Variants in BCAS3 observed in about 807,000 individuals in gnomAD.
BCAS3 encodes the protein BCAS3 microtubule associated cell migration factor, also known as BCAS4/BCAS3 fusion.
A neutral mutation model predicts 116.1 loss-of-function variants in BCAS3; 53 were observed. The ratio of observed to expected loss-of-function variants is 0.46; its 90% CI spans 0.37 to 0.57. BCAS3 has a LOEUF of 0.57. Among genes scored for constraint, BCAS3 ranks in the 20% least tolerant of loss-of-function variants. The probability of loss-of-function intolerance (pLI) is 0.00; values close to 1 mark genes in which losing one functional copy is unlikely to be tolerated. For synonymous variants in BCAS3, 391 were observed against 408.2 expected, an observed-to-expected ratio of 0.96 and a Z score of 0.51; for missense variants, 917 against 1,165.4, an observed-to-expected ratio of 0.79 and a Z score of 3.10.
At chr17:60,723,833 C>T (rs554917934) in intron 5 of BCAS3, among the ~76,000 whole-genome samples, 31 of 150,204 alleles carry the variant, frequency 2.1e-4, no homozygotes, top group African/African-American at 7.3e-4. Flanking sequence ...ATTCTCCTGC[C>T]TCAGCCTTCT....
At chr17:61,002,373 T>G (rs2064303359) in intron 15 of BCAS3, among the ~76,000 whole-genome samples, 1 of 152,116 alleles carries the variant, frequency 6.6e-6, no homozygotes, top group Non-Finnish European at 1.5e-5. Flanking sequence ...ATTTTTTCTT[T>G]TCTATGTATT....
chr17:60,893,208 C>T (rs570474648), intron 10 of BCAS3, among the ~76,000 whole-genome samples: 12 of 152,062 alleles, frequency 7.9e-5, no homozygotes, highest in African/African-American at 9.6e-5. Context: ...TTTACTCTAT[C>T]GATTATTTCT....
At chr17:60,879,978 C>A (rs1162126411) in intron 9 of BCAS3, among the ~76,000 whole-genome samples, 1 of 152,062 alleles carries the variant, frequency 6.6e-6, no homozygotes, top group Non-Finnish European at 1.5e-5. Context: ...CTGAGTTCTC[C>A]ATAAGATGGA....
At chr17:60,826,584 C>T (rs1482114368) in intron 7 of BCAS3, among the ~76,000 whole-genome samples, 1 of 152,180 alleles carries the variant, frequency 6.6e-6, no homozygotes, top group Non-Finnish European at 1.5e-5. Flanking sequence ...TCTATACTGT[C>T]TGATTCTAAA....
rs1189824949 is a variant in BCAS3 at position 61,151,530 on chromosome 17, A to C, written c.2425+66966A>C. 6.6e-6 allele frequency among the ~76,000 whole-genome samples: 1 copy of C among 151,996 alleles called. No homozygotes were observed. Among genetic ancestry groups the C allele is most frequent in the Non-Finnish European group, 1.5e-5 (1 of 67,998 alleles). On this transcript the variant is annotated intron_variant, in intron 22 of 23. Transcript: ENST00000407086. The surrounding 1 kb of genome is among the most constrained non-coding windows in gnomAD (Gnocchi z 4.8). ...TCACCCAGACTGGGGTACGTGGCAC[A>C]ATCATGACTCACTGCAGCCTCAACC...
chr17:60,841,282 A>G (rs2051876489), intron 7 of BCAS3, among the ~76,000 whole-genome samples: 1 of 152,076 alleles, frequency 6.6e-6, no homozygotes, highest in Non-Finnish European at 1.5e-5. Context: ...AAATCTAAAG[A>G]TCATTTTGTT....
chr17:60,715,132 C>CTTTTTTT (rs200488032), intron 5 of BCAS3, among the ~76,000 whole-genome samples: 9 of 125,380 alleles, frequency 7.2e-5, no homozygotes, highest in East Asian at 2.1e-4. Flanking sequence ...CTTTCTCTTT[C>CTTTTTTT]TTTTTTTTTT....
chr17:60,879,602 G>T (rs1394669137), intron 9 of BCAS3, among the ~76,000 whole-genome samples: 13 of 152,200 alleles, frequency 8.5e-5, no homozygotes, highest in Non-Finnish European at 1.9e-4. Flanking sequence ...GTCATTAGCA[G>T]TCATTTTCAG....
At chr17:60,891,774 A>G (rs2057169377) in intron 10 of BCAS3, 3 of 455,244 alleles carry the variant, frequency 6.6e-6, no homozygotes, top group South Asian at 4.7e-5. Flanking sequence ...ATTGTACCCC[A>G]TAAGTGATTT....
intron 22 of BCAS3, among the ~76,000 whole-genome samples, chr17:61,120,594 A>T (rs1032981171): frequency 6.6e-6 from 1 of 152,248 alleles, no homozygotes; most frequent in East Asian, 1.9e-4. Flanking sequence ...GACACTTAGC[A>T]ACCCATCACC....
chr17:61,271,424 A>AATTTTTTTTTTTTTTT, intron 22 of BCAS3, among the ~76,000 whole-genome samples: 1 of 70,226 alleles, frequency 1.4e-5, no homozygotes, highest in Non-Finnish European at 2.4e-5. Flanking sequence ...CCATGCCCGG[A>AATTTTTTTTTTTTTTT]TTTTTTTTTT....
chr17:60,678,243 G>C (rs1424499249), intron 1 of BCAS3, among the ~76,000 whole-genome samples: 1 of 152,164 alleles, frequency 6.6e-6, no homozygotes, highest in Non-Finnish European at 1.5e-5. Flanking sequence ...GAGAATGAGA[G>C]GGCTGAGGGG....
intron 22 of BCAS3, among the ~76,000 whole-genome samples, chr17:61,135,376 T>G (rs762698285): frequency 9.2e-5 from 14 of 152,246 alleles, no homozygotes; most frequent in Non-Finnish European, 1.6e-4. Context: ...TTCACCACAG[T>G]GGCCTGAAAT....
At chr17:61,317,003 T>A (rs2054802686) in intron 22 of BCAS3, among the ~76,000 whole-genome samples, 1 of 152,136 alleles carries the variant, frequency 6.6e-6, no homozygotes, top group South Asian at 2.1e-4. Flanking sequence ...ACTATTAGAG[T>A]TCGGGAGGCT....
At chr17:60,915,347 G>A (rs1295209374) in intron 12 of BCAS3, among the ~76,000 whole-genome samples, 4 of 152,076 alleles carry the variant, frequency 2.6e-5, no homozygotes, top group Non-Finnish European at 5.9e-5. Flanking sequence ...TGTTTAACCT[G>A]CATTCATTGG....
intron 6 of BCAS3, among the ~76,000 whole-genome samples, chr17:60,802,298 AT>A (rs1378574118): frequency 4.8e-4 from 56 of 116,508 alleles, no homozygotes; most frequent in African/African-American, 8.4e-4. Flanking sequence ...AAAAAAAAAT[AT>A]ATATATATAT....
rs868161223 is a variant in BCAS3 at position 61,339,052 on chromosome 17, G to C, written c.2426-29275G>C. Among the ~76,000 whole-genome samples the C allele has an allele frequency of 2.1e-4, 32 of 151,736 alleles. No homozygotes were observed. Among genetic ancestry groups the C allele is most frequent in the Middle Eastern group, 6.3e-3 (2 of 316 alleles). Reference sequence around the variant, plus strand: ...TTTGGGAAAAAAAAAAATTCACAAAGACCCATCTGCCTCTCCCATTTTCTC... The same window carrying C: ...TTTGGGAAAAAAAAAAATTCACAAACACCCATCTGCCTCTCCCATTTTCTC... On this transcript the variant is annotated intron_variant, in intron 22 of 23. Coordinates refer to ENST00000407086, the MANE Select transcript of BCAS3 (RefSeq NM_017679.5). This position sits in a 1 kb window ranked among gnomAD's most constrained non-coding sequence, Gnocchi z 4.4.
At chr17:61,001,673 ATATCT>A (rs1397667489) in intron 15 of BCAS3, among the ~76,000 whole-genome samples, 2 of 152,088 alleles carry the variant, frequency 1.3e-5, no homozygotes, top group African/African-American at 4.8e-5. Context: ...TTGTGGGGGG[ATATCT>A]TAGTTTAGTA....
At chr17:61,177,298 A>G (rs2079202886) in intron 22 of BCAS3, among the ~76,000 whole-genome samples, 1 of 152,246 alleles carries the variant, frequency 6.6e-6, no homozygotes, top group African/African-American at 2.4e-5. Context: ...AAGAAATGGA[A>G]ATAACCCAAT....
Sources: gnomAD v4.1 joint callset for allele counts (sites outside exome capture counted in the v4.1 genomes callset) on GRCh38, gnomAD v4.1.1 for gene constraint, Gnocchi (gnomAD v3.1) non-coding constraint, MANE v1.5 for transcripts, NCBI Gene and HGNC (gene_info 2026-07-23, HGNC 2026-07-21) for gene names.